The following CHCHD3 variants were observed in gnomAD, a reference collection of about 807,000 sequenced individuals.
CHCHD3 encodes the protein coiled-coil-helix-coiled-coil-helix domain containing 3, also known as MICOS complex subunit MIC19.
Under a neutral mutation model 38.2 loss-of-function variants are expected in CHCHD3, and 20 were observed. The observed-to-expected ratio is 0.52, with a 90% CI of 0.37 to 0.76. The LOEUF is 0.76. Among genes scored for constraint, CHCHD3 ranks in the 30% least tolerant of loss-of-function variants. The pLI, the probability that CHCHD3 is intolerant of heterozygous loss-of-function variation, is 0.00. For missense variants in CHCHD3, 245 were observed against 279.2 expected, an observed-to-expected ratio of 0.88 and a Z score of 0.87; for synonymous variants, 82 against 100.0, an observed-to-expected ratio of 0.82 and a Z score of 1.07.
chr7:132,934,446 A>T (rs1810588409), intron 4 of CHCHD3, among the ~76,000 whole-genome samples: 1 of 152,196 alleles, frequency 6.6e-6, no homozygotes, highest in Admixed American at 6.5e-5. Context: ...GCTGCAGTCC[A>T]CAGTTCTCTA....
chr7:132,917,700 A>T (rs10241118), intron 4 of CHCHD3, among the ~76,000 whole-genome samples: 2,649 of 152,078 alleles, frequency 0.017, 57 homozygotes, highest in East Asian at 0.1. Context: ...TCTACTAAAA[A>T]TACAAAAAAT....
chr7:132,890,394 G>A (rs1310973893), intron 4 of CHCHD3, among the ~76,000 whole-genome samples: 1 of 152,152 alleles, frequency 6.6e-6, no homozygotes, highest in African/African-American at 2.4e-5. Context: ...CCCATGAATA[G>A]TCCAGGCTAA....
chr7:132,787,641 C>T (rs763298957), intron 7 of CHCHD3, among the ~76,000 whole-genome samples: 1 of 151,702 alleles, frequency 6.6e-6, no homozygotes, highest in African/African-American at 2.4e-5. Flanking sequence ...AATTTAGGGT[C>T]AAAAATTTAA....
intron 4 of CHCHD3, among the ~76,000 whole-genome samples, chr7:132,955,577 T>C (rs1178200942): frequency 6.6e-6 from 1 of 151,930 alleles, no homozygotes; most frequent in South Asian, 2.1e-4. Context: ...ATTTAAATCT[T>C]CAGACTTTGA....
intron 6 of CHCHD3, among the ~76,000 whole-genome samples, chr7:132,819,817 G>A (rs769517441): frequency 6.6e-6 from 1 of 152,220 alleles, no homozygotes; most frequent in Admixed American, 6.5e-5. Context: ...GGTGGTGAAG[G>A]TGAGGTGTGC....
intron 2 of CHCHD3, among the ~76,000 whole-genome samples, chr7:133,038,385 TG>T (rs981639960): frequency 1.3e-5 from 2 of 152,214 alleles, no homozygotes; most frequent in Non-Finnish European, 2.9e-5. Flanking sequence ...AAGGGTTATT[TG>T]CTGAAGAGTT....
chr7:132,953,180 GCCTTACTAA>G (rs1562919241), intron 4 of CHCHD3, among the ~76,000 whole-genome samples: 1 of 152,108 alleles, frequency 6.6e-6, no homozygotes, highest in Admixed American at 6.5e-5. Flanking sequence ...ACTTTCCGCG[GCCTTACTAA>G]GTGATTATAA....
At chr7:132,903,337 T>G (rs1809716694) in intron 4 of CHCHD3, among the ~76,000 whole-genome samples, 1 of 97,636 alleles carries the variant, frequency 1.0e-5, no homozygotes, top group African/African-American at 3.1e-5. Flanking sequence ...TATATTGGGG[T>G]TTTTTTCTGA....
chr7:133,080,443 G>C (rs756201376), intron 1 of CHCHD3, among the ~76,000 whole-genome samples: 2 of 152,182 alleles, frequency 1.3e-5, no homozygotes, highest in African/African-American at 2.4e-5. Flanking sequence ...TAAAGCACGA[G>C]AATATGGATT....
intron 3 of CHCHD3, among the ~76,000 whole-genome samples, chr7:133,014,949 A>G (rs900183129): frequency 2.6e-5 from 4 of 152,206 alleles, no homozygotes; most frequent in African/African-American, 7.2e-5. Context: ...CCGCTGTACT[A>G]TTAAGAAAAA....
Position 132,788,304 on chromosome 7 carries a change from G to T in CHCHD3, c.661-2644C>A, listed in dbSNP as rs974307542. On this transcript the variant is annotated intron_variant, in intron 7 of 7. Coordinates refer to ENST00000262570, the MANE Select transcript of CHCHD3 (RefSeq NM_017812.4). This position sits in a 1 kb window ranked among gnomAD's most constrained non-coding sequence, Gnocchi z 4.0. Reference sequence around the variant, plus strand: ...GATGCCACTTAGCCATTTGCATTTGGGGGGGTTATAGATTCACTGCTTTCT... The same window carrying T: ...GATGCCACTTAGCCATTTGCATTTGTGGGGGTTATAGATTCACTGCTTTCT... 7.2e-5 allele frequency among the ~76,000 whole-genome samples: 11 copies of T among 152,122 alleles called. No homozygotes were observed. In the South Asian group the frequency reaches 1.2e-3, roughly 17 times the overall value.
At chr7:132,796,845 G>A (rs749614547) in intron 6 of CHCHD3, among the ~76,000 whole-genome samples, 8 of 151,988 alleles carry the variant, frequency 5.3e-5, no homozygotes, top group African/African-American at 1.9e-4. Flanking sequence ...CTTCCAAACC[G>A]AAACCATATC....
chr7:132,795,285 C>A (rs1481639812), intron 7 of CHCHD3, among the ~76,000 whole-genome samples: 2 of 152,180 alleles, frequency 1.3e-5, no homozygotes, highest in Admixed American at 6.5e-5. Flanking sequence ...GGTTTATTAA[C>A]AGCATATCAG....
chr7:132,969,529 T>C (rs1811558985), intron 4 of CHCHD3, among the ~76,000 whole-genome samples: 2 of 152,140 alleles, frequency 1.3e-5, no homozygotes, highest in African/African-American at 4.8e-5. Context: ...TTTACATTGA[T>C]TGCTAATTTT....
chr7:132,930,204 T>C (rs1810483066), intron 4 of CHCHD3, among the ~76,000 whole-genome samples: 1 of 150,374 alleles, frequency 6.7e-6, no homozygotes, highest in Admixed American at 6.7e-5. Context: ...TCTCGTTCTG[T>C]TACCCAGGCT....
chr7:133,035,994 T>A lies in CHCHD3; in HGVS notation c.170-11367A>T. 1.1e-6 allele frequency: 1 copy of A among 947,764 alleles called. No homozygotes were observed. Among genetic ancestry groups the A allele is most frequent in the Non-Finnish European group, 1.7e-6 (1 of 595,960 alleles). The allele number at this position is 947,764 out of a possible 1,614,324, so 58.7% of individuals were successfully genotyped here. ...GTAGGGGTCCTTAGGGGAACTGTTT[T>A]AATGAAACTAGTAATTAGAATACCA... On this transcript the variant is annotated intron_variant, in intron 2 of 7. Coordinates refer to ENST00000262570, the MANE Select transcript of CHCHD3 (RefSeq NM_017812.4). The surrounding 1 kb of genome is among the most constrained non-coding windows in gnomAD (Gnocchi z 4.7).
chr7:133,049,539 C>T (rs1055956476), intron 2 of CHCHD3, among the ~76,000 whole-genome samples: 2 of 152,134 alleles, frequency 1.3e-5, no homozygotes, highest in Non-Finnish European at 1.5e-5. Context: ...CTCATTTAAC[C>T]GCCAATACTT....
At chr7:132,915,801 T>C (rs2117228003) in intron 4 of CHCHD3, among the ~76,000 whole-genome samples, 1 of 152,288 alleles carries the variant, frequency 6.6e-6, no homozygotes, top group Admixed American at 6.5e-5. Context: ...TAATCTTTGC[T>C]CCTATTGCTA....
intron 5 of CHCHD3, among the ~76,000 whole-genome samples, chr7:132,877,382 T>A (rs1027507828): frequency 2.0e-5 from 3 of 152,242 alleles, no homozygotes; most frequent in African/African-American, 4.8e-5. Flanking sequence ...GGAAAAAAAA[T>A]ATCTTGCTTG....
Sources: allele counts gnomAD v4.1 joint callset (sites outside exome capture counted in the v4.1 genomes callset), GRCh38; gene constraint gnomAD v4.1.1; non-coding constraint Gnocchi (gnomAD v3.1); transcripts MANE v1.5; gene names NCBI Gene and HGNC (gene_info 2026-07-23, HGNC 2026-07-21).